The following SRRM2 variants were observed in gnomAD, a reference collection of about 807,000 sequenced individuals.
SRRM2 encodes serine/arginine repetitive matrix 2, also known as serine/arginine repetitive matrix protein 2.
SRRM2 carries 30 observed loss-of-function variants against 213.8 expected under a neutral mutation model. The observed-to-expected ratio is 0.14, with a 90% confidence interval of 0.10 to 0.19. The LOEUF is 0.19. Among genes scored for constraint, SRRM2 ranks in the 10% least tolerant of loss-of-function variants. The pLI is 1.00. For synonymous variants in SRRM2, 2,025 were observed against 1,377.7 expected, an observed-to-expected ratio of 1.47 and a Z score of -10.40; for missense variants, 4,904 against 3,647.0, an observed-to-expected ratio of 1.34 and a Z score of -8.88.
At chr16:2,753,142 T>TC (rs374616096) in intron 1 of SRRM2, among the ~76,000 whole-genome samples, 121 of 147,530 alleles carry the variant, frequency 8.2e-4, no homozygotes, top group African/African-American at 2.6e-3. Flanking sequence ...GCTTCACTCC[T>TC]CCCCCCAACA....
At chr16:2,755,649 TG>T (rs969867702) in intron 1 of SRRM2, among the ~76,000 whole-genome samples, 1 of 152,180 alleles carries the variant, frequency 6.6e-6, no homozygotes. Flanking sequence ...GGCCCTTACC[TG>T]GGAGGTGAAG....
Position 2,766,854 on chromosome 16 carries a change from TCAA to T in SRRM2, c.6329_6331del (p.Asn2110del). ...GGTTCACGGACACCTCCAGTAGCAC[TCAA>T]CAGTTCCAGAATGAGCTGCTTCAGT... On this transcript the variant is annotated inframe_deletion, in exon 11 of 15. Transcript: ENST00000301740. This position sits in a 1 kb window ranked among gnomAD's most constrained non-coding sequence, Gnocchi z 7.0. 1 of 1,614,136 alleles carries T rather than the reference TCAA, an allele frequency of 6.2e-7. No individual in the cohort carries two copies. Among genetic ancestry groups the T allele is most frequent in the Non-Finnish European group, 8.5e-7 (1 of 1,180,006 alleles).
At position 2,767,627 on chromosome 16, in the gene SRRM2, A is replaced by T. The variant is rs2068588650; in HGVS notation, c.7099A>T (p.Thr2367Ser). Reference sequence around the variant, plus strand: ...CGCAGCCTTGGCCCCCGCGAGCCTCACCAGTGCTAGGATGGCTCCAGCATT... The same window carrying T: ...CGCAGCCTTGGCCCCCGCGAGCCTCTCCAGTGCTAGGATGGCTCCAGCATT... The part of the protein sequence containing the change: ...TAAALAPASL[T>S]SARMAPALSG... The change falls in exon 11 of 15, where the codon ACC becomes TCC. Residue 2367 changes from threonine to serine, a missense_variant. Physicochemically the swap from Thr to Ser is moderately conservative, Grantham distance 58 (BLOSUM62 1). Transcript: ENST00000301740. The T allele has an allele frequency of 6.2e-7, 1 of 1,613,988 alleles. No individual in the cohort carries two copies. The highest frequency in any genetic ancestry group is 8.5e-7 in the Non-Finnish European group (1 of 1,179,992).
At chr16:2,754,549 C>A (rs2068074501) in intron 1 of SRRM2, among the ~76,000 whole-genome samples, 1 of 152,134 alleles carries the variant, frequency 6.6e-6, no homozygotes, top group Non-Finnish European at 1.5e-5. Flanking sequence ...CTCGGCCTCC[C>A]AAAGTGCAGG....
intron 4 of SRRM2, 55 bp downstream of exon 4, chr16:2,758,000 G>A (rs1473230675): frequency 3.8e-6 from 6 of 1,559,496 alleles, no homozygotes; most frequent in Admixed American, 2.1e-5. Context: ...TAAGCTCCAT[G>A]CTCTATTTTT....
chr16:2,769,379 C>T (rs1052802633), intron 12 of SRRM2, 95 bp downstream of exon 12: 14 of 1,415,376 alleles, frequency 9.9e-6, no homozygotes, highest in Admixed American at 4.6e-5. Context: ...GGGTGTCTCA[C>T]GTGGCCTTGG....
chr16:2,763,579 C>G lies in SRRM2; in HGVS notation c.3051C>G (p.Pro1017=). 2 of 1,614,122 alleles carry G rather than the reference C, an allele frequency of 1.2e-6. No homozygotes were observed. The highest frequency in any genetic ancestry group is 1.7e-6 in the Non-Finnish European group (2 of 1,180,038). The change falls in exon 11 of 15, where the codon CCC becomes CCG. Residue 1017 remains proline (P), a synonymous_variant. Coordinates refer to ENST00000301740, the MANE Select transcript of SRRM2 (RefSeq NM_016333.4). ...PSLSGSKSPC[P]QEKSKDSLVQ... ...TTTCTGGATCAAAGTCACCATGTCC[C>G]CAAGAGAAGTCTAAAGACTCACTAG... is the stretch of plus-strand genomic sequence containing the variant.
At chr16:2,769,755 G>A in intron 12 of SRRM2, 1 of 467,942 alleles carries the variant, frequency 2.1e-6, no homozygotes, top group Non-Finnish European at 4.2e-6. Context: ...TGGCCTGCAG[G>A]ACAAAGCCCC....
chr16:2,761,954 A>T lies in SRRM2; in HGVS notation c.1426A>T (p.Thr476Ser), dbSNP rs755697712. 1 of 1,613,216 alleles carries T rather than the reference A, an allele frequency of 6.2e-7. No individual in the cohort carries two copies. The highest frequency in any genetic ancestry group is 1.6e-4 in the Middle Eastern group (1 of 6,062). ...AAAACGGGATAAATCACATTCTCAT[A>T]CCCCCTCCCGTAGGATGGGGAGGTC... ...RAKRDKSHSH[T>S]PSRRMGRSRS... Residue 476 changes from threonine to serine, a missense_variant, in exon 11 of 15, where the codon ACC (threonine) becomes TCC (serine). Coordinates refer to ENST00000301740, the MANE Select transcript of SRRM2 (RefSeq NM_016333.4).
chr16:2,768,222 G>T lies in SRRM2; in HGVS notation c.7694G>T (p.Gly2565Val). 1 of 1,582,220 alleles carries T rather than the reference G, an allele frequency of 6.3e-7. No individual in the cohort carries two copies. The part of the protein sequence containing the change: ...SSGSSSSDSE[G>V]SSLPVQPEVA... ...GGCTCCAGTTCTAGTGACTCAGAGG[G>T]CTCTAGCCTTCCTGTGCAACCTGAG... Residue 2565 changes from glycine (G) to valine (V), a missense_variant, in exon 11 of 15, where the codon GGC becomes GTC. Physicochemically the swap from Gly to Val is moderately radical, Grantham distance 109 (BLOSUM62 -3). Transcript: ENST00000301740.
Position 2,769,242 on chromosome 16 carries a change from C to A in SRRM2, c.7979C>A (p.Pro2660His), listed in dbSNP as rs1204678434. Residue 2660 changes from proline (P) to histidine (H), a missense_variant, in exon 12 of 15, where the codon CCC becomes CAC. By Grantham distance (77) the Pro-to-His change is moderately conservative. Coordinates refer to ENST00000301740, the MANE Select transcript of SRRM2 (RefSeq NM_016333.4). ...GCTAAGCCTGGCCCTCAGGCCTTGC[C>A]CAAACCTGCAAGCCCCAAGAAGCCA... ...SPAKPGPQAL[P>H]KPASPKKPPP... 4 of 1,579,846 alleles carry A rather than the reference C, an allele frequency of 2.5e-6. No individual in the cohort carries two copies. The African/African-American group carries it at 5.4e-5, about 21-fold the overall frequency.
intron 8 of SRRM2, 33 bp downstream of exon 8, chr16:2,759,435 G>A (rs778919400): frequency 1.3e-6 from 2 of 1,595,562 alleles, no homozygotes; most frequent in South Asian, 2.3e-5. Context: ...TGCTTAGGAA[G>A]TAAGTGAACG....
In SRRM2 at chr16:2,767,469, C is replaced by G. The variant is rs775573154; in HGVS notation, c.6941C>G (p.Ser2314Cys). ...AALAALSLTG[S>C]GTPPTAANYP... Reference sequence around the variant, plus strand: ...TTGGCAGCTCTGAGTCTCACAGGCTCTGGCACACCACCAACTGCTGCAAAC... The same window carrying G: ...TTGGCAGCTCTGAGTCTCACAGGCTGTGGCACACCACCAACTGCTGCAAAC... The change falls in exon 11 of 15, where the codon TCT (serine) becomes TGT (cysteine). Residue 2314 changes from serine to cysteine, a missense_variant. By Grantham distance (112) the Ser-to-Cys change is moderately radical. Coordinates refer to ENST00000301740, the MANE Select transcript of SRRM2 (RefSeq NM_016333.4). 1 of 1,614,242 alleles carries G rather than the reference C, an allele frequency of 6.2e-7. No individual in the cohort carries two copies. The highest frequency in any genetic ancestry group is 1.1e-5 in the South Asian group (1 of 91,090).
In SRRM2 at chr16:2,762,959, C is replaced by T. The variant is rs779762824; in HGVS notation, c.2431C>T (p.Pro811Ser). The T allele has an allele frequency of 3.1e-6, 5 of 1,611,212 alleles. No individual in the cohort carries two copies. Among genetic ancestry groups the T allele is most frequent in the Admixed American group, 1.7e-5 (1 of 59,910 alleles). ...SSQPKAKSRTPPRRSRSSSSP... is the reference protein window; with the variant it reads ...SSQPKAKSRTSPRRSRSSSSP... Reference sequence around the variant, plus strand: ...CCAACCTAAAGCTAAATCTAGAACGCCACCCAGACGCAGTCGCTCCAGTTC... The same window carrying T: ...CCAACCTAAAGCTAAATCTAGAACGTCACCCAGACGCAGTCGCTCCAGTTC... Residue 811 changes from proline to serine, a missense_variant, in exon 11 of 15, where the codon CCA becomes TCA. By Grantham distance (74) the Pro-to-Ser change is moderately conservative (BLOSUM62 -1). Transcript: ENST00000301740.
Position 2,765,392 on chromosome 16 carries a change from C to G in SRRM2, c.4864C>G (p.Pro1622Ala). The G allele has an allele frequency of 6.2e-7, 1 of 1,614,196 alleles. No individual in the cohort carries two copies. Among genetic ancestry groups the G allele is most frequent in the South Asian group, 1.1e-5 (1 of 91,088 alleles). ...GGCACAGAGTGGTTCTGATTCCTCT[C>G]CTGAACCTAAAGCTCCAGCCCCTCG... ...PRAQSGSDSS[P>A]EPKAPAPRAL... Residue 1622 changes from proline (P) to alanine (A), a missense_variant, in exon 11 of 15, where the codon CCT (proline) becomes GCT (alanine). Physicochemically the swap from Pro to Ala is conservative, Grantham distance 27. Transcript: ENST00000301740.
chr16:2,760,742 A>G, intron 10 of SRRM2: 1 of 490,936 alleles, frequency 2.0e-6, no homozygotes, highest in South Asian at 2.3e-5. Context: ...TCTTGTTTAT[A>G]CATAGATAGA....
chr16:2,763,433 C>T lies in SRRM2; in HGVS notation c.2905C>T (p.His969Tyr). ...VESRLLPRYSHSGSSSPDTKV... is the reference protein window; with the variant it reads ...VESRLLPRYSYSGSSSPDTKV... Reference sequence around the variant, plus strand: ...ATCCAGATTGTTGCCAAGATACAGTCATTCTGGGTCCTCCTCACCAGATAC... The same window carrying T: ...ATCCAGATTGTTGCCAAGATACAGTTATTCTGGGTCCTCCTCACCAGATAC... Residue 969 changes from histidine to tyrosine, a missense_variant, in exon 11 of 15, where the codon CAT becomes TAT. His to Tyr is a moderately conservative substitution (Grantham distance 83). Transcript: ENST00000301740. The T allele has an allele frequency of 1.2e-6, 2 of 1,614,192 alleles. No individual in the cohort carries two copies. The highest frequency in any genetic ancestry group is 1.7e-6 in the Non-Finnish European group (2 of 1,180,032).
In SRRM2 at chr16:2,768,169, ATCG is replaced by A. The variant is rs756483383; in HGVS notation, c.7653_7655del (p.Ser2556del). 63 of 1,610,126 alleles carry A rather than the reference ATCG, an allele frequency of 3.9e-5. No homozygotes were observed. The highest frequency in any genetic ancestry group is 1.6e-4 in the Middle Eastern group (1 of 6,066). On this transcript the variant is annotated inframe_deletion, in exon 11 of 15. Transcript: ENST00000301740. ...CCTCTAGCTCCTCCTCTTCTTCATC[ATCG>A]TCGTCGTCGTCCTCCTCCTCCTCTG...
At position 2,769,086 on chromosome 16, in the gene SRRM2, G is replaced by GCAGTTC. The variant is rs762854552; in HGVS notation, c.7833_7838dup (p.Ser2647_Ser2648dup). The GCAGTTC allele has an allele frequency of 3.4e-5, 55 of 1,613,904 alleles. No individual in the cohort carries two copies. The highest frequency in any genetic ancestry group is 4.5e-5 in the Non-Finnish European group (53 of 1,180,016). The stretch of plus-strand genomic sequence containing the variant: ...CCAGCCAAACGGAAGAGGCGCTCTA[G>GCAGTTC]CAGTTCCAGTTCCAGCTCCTCCTCT... On this transcript the variant is annotated inframe_insertion, in exon 12 of 15. Coordinates refer to ENST00000301740, the MANE Select transcript of SRRM2 (RefSeq NM_016333.4).
Sources: allele counts gnomAD v4.1 joint callset (sites outside exome capture counted in the v4.1 genomes callset), GRCh38; gene constraint gnomAD v4.1.1; non-coding constraint Gnocchi (gnomAD v3.1); transcripts MANE v1.5; gene names NCBI Gene and HGNC (gene_info 2026-07-23, HGNC 2026-07-21).